ESS2: variants seen among roughly 807,000 people sequenced by gnomAD.
ESS2 encodes the protein ess-2 spliceosome associated protein, also known as splicing factor ESS-2 homolog.
ESS2 carries 31 observed loss-of-function variants against 52.0 expected under a neutral mutation model. That is an observed-to-expected ratio of 0.60 (90% CI 0.45 to 0.81). The LOEUF is 0.81. Ranked by LOEUF, ESS2 falls within the 30% of genes least tolerant of loss-of-function variation. The pLI, the probability that ESS2 is intolerant of heterozygous loss-of-function variation, is 0.00. For missense variants in ESS2, 602 were observed against 637.2 expected (o/e 0.94, Z 0.59); for synonymous variants, 285 against 259.2 (o/e 1.10, Z -0.95).
At chr22:19,138,110 G>C (rs1348974411) in intron 7 of ESS2, 105 bp downstream of exon 7, 2 of 1,562,322 alleles carry the variant, frequency 1.3e-6, no homozygotes, top group East Asian at 2.3e-5. Context: ...ACAAGGTGTG[G>C]GGCAGGCCAG....
chr22:19,130,996 C>T lies in ESS2; in HGVS notation c.*3200G>A, dbSNP rs1257023289. ...GACAAAGACCAATGCAGGGTCAGTC[C>T]CCACAGCCAGGTGATGCAAACAGGC... On this transcript the variant is annotated 3_prime_UTR_variant, in exon 10 of 10. Transcript: ENST00000252137. The T allele has an allele frequency of 4.5e-6, 1 of 221,300 alleles. No individual in the cohort carries two copies. The allele number at this position is 221,300 out of a possible 1,614,324, so 13.7% of individuals were successfully genotyped here.
At chr22:19,144,428 C>G in intron 1 of ESS2, 78 bp downstream of exon 1, 4 of 1,599,960 alleles carry the variant, frequency 2.5e-6, no homozygotes, top group Non-Finnish European at 3.4e-6. Context: ...AGTGTCAACA[C>G]CCGAGAGAGG....
Position 19,142,726 on chromosome 22 carries a change from A to C in ESS2, c.304T>G (p.Tyr102Asp), listed in dbSNP as rs768281956. ...GKMSREPPPP[Y>D]VTPATFETPE... ...TCCGCCACCCACAGGGTCCTCATACAGGGTGGCGGGGGCTCCCGGGACATC... is the reference window on the plus strand; with the variant it reads ...TCCGCCACCCACAGGGTCCTCATACCGGGTGGCGGGGGCTCCCGGGACATC... Residue 102 changes from tyrosine (Y) to aspartate (D), a missense_variant and splice_region_variant, in exon 2 of 10, where the codon TAT (tyrosine) becomes GAT (aspartate). Tyr to Asp is a radical substitution (Grantham distance 160). Coordinates refer to ENST00000252137, the MANE Select transcript of ESS2 (RefSeq NM_022719.3). The C allele has an allele frequency of 1.9e-6, 3 of 1,613,336 alleles. No homozygotes were observed. Among genetic ancestry groups the C allele is most frequent in the Non-Finnish European group, 2.5e-6 (3 of 1,179,640 alleles).
rs549781957 is a variant in ESS2 at position 19,137,377 on chromosome 22, T to A, written c.981A>T (p.Arg327Ser). 1.5e-5 allele frequency: 25 copies of A among 1,613,684 alleles called. No homozygotes were observed. The South Asian group carries it at 2.3e-4, about 15-fold the overall frequency. ...TWGEVENTPL[R>S]VEGSETPYVD... ...CGTAGGGCGTTTCCGACCCTTCAAC[T>A]CTCAAGGGTGTGTTCTCAACCTCCC... Residue 327 changes from arginine to serine, a missense_variant, in exon 8 of 10, where the codon AGA becomes AGT. Coordinates refer to ENST00000252137, the MANE Select transcript of ESS2 (RefSeq NM_022719.3).
intron 8 of ESS2, among the ~76,000 whole-genome samples, chr22:19,136,821 C>T (rs773697625): frequency 7.2e-5 from 11 of 152,130 alleles, no homozygotes; most frequent in Admixed American, 1.3e-4. Context: ...GGGAAAGGCC[C>T]GCAGTGGTAT....
At chr22:19,136,031 T>TAAAAAAAAAAAAAAAAAAAAA (rs377121962) in intron 8 of ESS2, among the ~76,000 whole-genome samples, 4 of 92,540 alleles carry the variant, frequency 4.3e-5, no homozygotes, top group African/African-American at 1.8e-4. Flanking sequence ...CCCTATCTGT[T>TAAAAAAAAAAAAAAAAAAAAA]AAAAAAAAAA....
Position 19,138,504 on chromosome 22 carries a change from T to C in ESS2, c.823-187A>G, listed in dbSNP as rs577949611. On this transcript the variant is annotated intron_variant, in intron 6 of 9. Coordinates refer to ENST00000252137, the MANE Select transcript of ESS2 (RefSeq NM_022719.3). ...CCTGCCCCAACCCCCCAAAAGACCT[T>C]GAGGGCCTGTCAAAGTGGGTACCCA... The C allele has an allele frequency of 6.5e-5, 46 of 710,888 alleles. No homozygotes were observed. The Admixed American group carries it at 9.1e-4, about 14-fold the overall frequency. The allele number at this position is 710,888 out of a possible 1,614,324, so 44.0% of individuals were successfully genotyped here. A position where few individuals can be genotyped will look rare whatever the true frequency, so the allele number is the denominator to read the frequency against.
At chr22:19,142,095 C>T (rs2083696622) in intron 3 of ESS2, among the ~76,000 whole-genome samples, 1 of 152,260 alleles carries the variant, frequency 6.6e-6, no homozygotes, top group Non-Finnish European at 1.5e-5. Flanking sequence ...TGACTTCACA[C>T]TGGCAGGTCA....
chr22:19,130,670 G>A lies in ESS2; in HGVS notation c.*3526C>T. The A allele has an allele frequency of 3.7e-6, 1 of 271,004 alleles. No homozygotes were observed. The allele number at this position is 271,004 out of a possible 1,614,324, so 16.8% of individuals were successfully genotyped here. The stretch of plus-strand genomic sequence containing the variant: ...ATTTTGTCGACCCGAGATGGGTCCT[G>A]GCACTAGGAATGTAAAACCGTTCCT... On this transcript the variant is annotated 3_prime_UTR_variant, in exon 10 of 10. Coordinates refer to ENST00000252137, the MANE Select transcript of ESS2 (RefSeq NM_022719.3).
rs115188828 is a variant in ESS2, at chr22:19,130,489, C to G, written c.*3707G>C. 123 of 324,052 alleles carry G rather than the reference C, an allele frequency of 3.8e-4. No individual in the cohort carries two copies. The highest frequency in any genetic ancestry group is 2.2e-3 in the African/African-American group (101 of 45,258). The allele number at this position is 324,052 out of a possible 1,614,324, so 20.1% of individuals were successfully genotyped here. A position where few individuals can be genotyped will look rare whatever the true frequency, so the allele number is the denominator to read the frequency against. Reference sequence around the variant, plus strand: ...AGGCAAAAAAAATGCTTGCTAAGTCCGATTAAAAGGGGCCCAGTGCCTTCA... The same window carrying G: ...AGGCAAAAAAAATGCTTGCTAAGTCGGATTAAAAGGGGCCCAGTGCCTTCA... On this transcript the variant is annotated 3_prime_UTR_variant, in exon 10 of 10. Transcript: ENST00000252137.
intron 1 of ESS2, among the ~76,000 whole-genome samples, chr22:19,143,466 T>C (rs998663874): frequency 7.9e-5 from 12 of 152,234 alleles, no homozygotes; most frequent in Non-Finnish European, 1.5e-5. Flanking sequence ...CCTTGCTAAC[T>C]GGTCATTCTC....
rs762250255 is a variant in ESS2, at chr22:19,131,592, G to C, written c.*2604C>G. 5.0e-6 allele frequency: 8 copies of C among 1,613,994 alleles called. No homozygotes were observed. In the African/African-American group the frequency reaches 8.0e-5, roughly 16 times the overall value. ...CCTTCCTCGGGAGATGGACATCCTG[G>C]CAACTGTCAACCACGGCTCCATCAT... is the stretch of plus-strand genomic sequence containing the variant. On this transcript the variant is annotated 3_prime_UTR_variant, in exon 10 of 10. Coordinates refer to ENST00000252137, the MANE Select transcript of ESS2 (RefSeq NM_022719.3). This position sits in a 1 kb window ranked among gnomAD's most constrained non-coding sequence, Gnocchi z 5.7.
In ESS2 at chr22:19,137,173, G is replaced by A. The variant is rs1249267263; in HGVS notation, c.1035+150C>T. 11 of 623,538 alleles carry A rather than the reference G, an allele frequency of 1.8e-5. No individual in the cohort carries two copies. In the Admixed American group the frequency reaches 3.1e-4, roughly 17 times the overall value. The allele number at this position is 623,538 out of a possible 1,614,324, so 38.6% of individuals were successfully genotyped here. A position where few individuals can be genotyped will look rare whatever the true frequency, so the allele number is the denominator to read the frequency against. On this transcript the variant is annotated intron_variant, in intron 8 of 9. Coordinates refer to ENST00000252137, the MANE Select transcript of ESS2 (RefSeq NM_022719.3). ...GTGACAGGTCCACCCACCCACACCTGCCTTCAGCACCCTGGCATTCAGAAA... is the reference window on the plus strand; with the variant it reads ...GTGACAGGTCCACCCACCCACACCTACCTTCAGCACCCTGGCATTCAGAAA...
chr22:19,143,854 G>A (rs994862291), intron 1 of ESS2, among the ~76,000 whole-genome samples: 1 of 152,144 alleles, frequency 6.6e-6, no homozygotes, highest in Non-Finnish European at 1.5e-5. Flanking sequence ...GCGAGACTCC[G>A]TCTCAAAAAA....
intron 8 of ESS2, among the ~76,000 whole-genome samples, chr22:19,136,026 T>C (rs897083890): frequency 2.5e-5 from 3 of 120,122 alleles, no homozygotes; most frequent in African/African-American, 1.0e-4. Context: ...TGAAACCCTA[T>C]CTGTTAAAAA....
intron 8 of ESS2, 150 bp downstream of exon 8, chr22:19,137,173 G>T: frequency 1.6e-6 from 1 of 623,656 alleles, no homozygotes; most frequent in Non-Finnish European, 2.8e-6. Context: ...ACCCACACCT[G>T]CCTTCAGCAC....
At chr22:19,135,708 T>C (rs1354649318) in intron 8 of ESS2, among the ~76,000 whole-genome samples, 1 of 152,222 alleles carries the variant, frequency 6.6e-6, no homozygotes, top group Non-Finnish European at 1.5e-5. Flanking sequence ...TTTGCTTTTA[T>C]GTTTAGAAAG....
rs763606714 is a variant in ESS2 at position 19,134,392 on chromosome 22, C to T, written c.1235G>A (p.Arg412Gln). Reference sequence around the variant, plus strand: ...TGGTGTGTAGCTGGCCCGCAGGGCCCGGTCTGTGTACTTGCTGGCCGTCCT... The same window carrying T: ...TGGTGTGTAGCTGGCCCGCAGGGCCTGGTCTGTGTACTTGCTGGCCGTCCT... ...VSRTASKYTD[R>Q]ALRASYTPSP... The change falls in exon 10 of 10, where the codon CGG becomes CAG. Residue 412 changes from arginine to glutamine, a missense_variant. Coordinates refer to ENST00000252137, the MANE Select transcript of ESS2 (RefSeq NM_022719.3). The T allele has an allele frequency of 2.6e-5, 42 of 1,611,146 alleles. No homozygotes were observed. The Admixed American group carries it at 3.7e-4, about 14-fold the overall frequency.
intron 3 of ESS2, 92 bp from the exon 4 acceptor site, chr22:19,140,116 G>A: frequency 6.8e-7 from 1 of 1,467,588 alleles, no homozygotes; most frequent in South Asian, 1.2e-5. Flanking sequence ...CCCCCAACAT[G>A]CAGGGCTGGA....
Sources: gnomAD v4.1 joint callset for allele counts (sites outside exome capture counted in the v4.1 genomes callset) on GRCh38, gnomAD v4.1.1 for gene constraint, Gnocchi (gnomAD v3.1) non-coding constraint, MANE v1.5 for transcripts, NCBI Gene and HGNC (gene_info 2026-07-23, HGNC 2026-07-21) for gene names.